The following PGS1 variants were observed in gnomAD, a reference collection of about 807,000 sequenced individuals.
PGS1 encodes the protein phosphatidylglycerophosphate synthase 1.
In PGS1, 44 loss-of-function variants were observed where a neutral mutation model predicts 58.3. That is an observed-to-expected ratio of 0.75 (90% CI 0.59 to 0.97). The LOEUF is 0.97. PGS1 is among the 50% of genes least tolerant of loss of function. PGS1 has a pLI of 0.00. For missense variants in PGS1, 684 were observed against 731.1 expected (o/e 0.94, Z 0.74); for synonymous variants, 330 against 311.0 (o/e 1.06, Z -0.64).
intron 6 of PGS1, 44 bp from the exon 7 acceptor site, chr17:78,403,524 C>T: frequency 6.3e-7 from 1 of 1,582,776 alleles, no homozygotes; most frequent in Non-Finnish European, 8.6e-7. Flanking sequence ...GAGTCCAGAC[C>T]CTCCATTTCT....
intron 7 of PGS1, among the ~76,000 whole-genome samples, chr17:78,408,108 ATCAG>A (rs33931168): frequency 0.46 from 69,661 of 151,722 alleles, 16,480 homozygotes; most frequent in Admixed American, 0.53. Flanking sequence ...TTATCTATCA[ATCAG>A]TCAATCAGTC....
At chr17:78,389,218 G>A (rs948595100) in intron 1 of PGS1, among the ~76,000 whole-genome samples, 4 of 150,782 alleles carry the variant, frequency 2.7e-5, no homozygotes, top group Non-Finnish European at 4.4e-5. Flanking sequence ...ACGGAGTGTC[G>A]CTCTGTTGCC....
chr17:78,397,488 G>A (rs1332078905), intron 3 of PGS1, among the ~76,000 whole-genome samples: 7 of 152,008 alleles, frequency 4.6e-5, no homozygotes, highest in East Asian at 1.9e-4. Context: ...CCAGGCTGGA[G>A]TGCAATGGCG....
chr17:78,388,104 T>C (rs571051848), intron 1 of PGS1, among the ~76,000 whole-genome samples: 1 of 152,332 alleles, frequency 6.6e-6, no homozygotes, highest in South Asian at 2.1e-4. Flanking sequence ...CTAACAAAAA[T>C]AAACCTGTCA....
chr17:78,381,799 T>C (rs2082056564), intron 1 of PGS1, among the ~76,000 whole-genome samples: 1 of 152,202 alleles, frequency 6.6e-6, no homozygotes, highest in African/African-American at 2.4e-5. Flanking sequence ...GAACTCTACT[T>C]AAAATTACTT....
At chr17:78,410,479 T>C (rs1233161372) in intron 7 of PGS1, among the ~76,000 whole-genome samples, 2 of 137,356 alleles carry the variant, frequency 1.5e-5, no homozygotes, top group Admixed American at 1.4e-4. Flanking sequence ...TTTTTTTTTT[T>C]TTTTTTTTTT....
At position 78,400,916 on chromosome 17, in the gene PGS1, G is replaced by C; in HGVS notation, c.880+61G>C. 7.1e-7 allele frequency: 1 copy of C among 1,411,848 alleles called. No homozygotes were observed. Among genetic ancestry groups the C allele is most frequent in the Non-Finnish European group, 9.6e-7 (1 of 1,039,298 alleles). The allele number at this position is 1,411,848 out of a possible 1,614,324, so 87.5% of individuals were successfully genotyped here. ...GGTGGGGTGGAGTGAGGGCCCGGGA[G>C]AGCACAACTCTAGGTGGTTCTGCCA... is the stretch of plus-strand genomic sequence containing the variant. On this transcript the variant is annotated intron_variant, in intron 6 of 9. Transcript: ENST00000262764. The surrounding 1 kb of genome is among the most constrained non-coding windows in gnomAD (Gnocchi z 4.4).
intron 1 of PGS1, 92 bp downstream of exon 1, chr17:78,378,900 C>T (rs2146017971): frequency 3.2e-6 from 4 of 1,264,346 alleles, no homozygotes; most frequent in Non-Finnish European, 4.1e-6. Context: ...TCCTGGGCAT[C>T]CGCAGCGAGT....
intron 1 of PGS1, among the ~76,000 whole-genome samples, chr17:78,382,956 C>T (rs1281978237): frequency 1.3e-5 from 2 of 151,874 alleles, no homozygotes; most frequent in African/African-American, 4.8e-5. Flanking sequence ...ACAGAATGGC[C>T]TTGTTACTTG....
In PGS1 at chr17:78,408,351, G is replaced by A. The variant is rs117746914; in HGVS notation, c.1402+4262G>A. 1.9e-3 allele frequency among the ~76,000 whole-genome samples: 284 copies of A among 152,308 alleles called. 1 individual carries two copies. In the East Asian group the frequency reaches 0.039, roughly 21 times the overall value. On this transcript the variant is annotated intron_variant, in intron 7 of 9. Transcript: ENST00000262764. ...ACTTGAAGTCTAGAAGCCTGGTTCT[G>A]AGTCCACATTTACCTGTGGCCACAG...
At chr17:78,407,966 C>G (rs2084298453) in intron 7 of PGS1, among the ~76,000 whole-genome samples, 1 of 152,226 alleles carries the variant, frequency 6.6e-6, no homozygotes, top group South Asian at 2.1e-4. Flanking sequence ...TCTGTGTTGT[C>G]AAGTATTGCC....
At chr17:78,413,124 T>A (rs2084866736) in intron 7 of PGS1, among the ~76,000 whole-genome samples, 1 of 152,198 alleles carries the variant, frequency 6.6e-6, no homozygotes, top group African/African-American at 2.4e-5. Context: ...GTACTGTTTA[T>A]GGCACAATGC....
intron 9 of PGS1, 32 bp downstream of exon 9, chr17:78,419,707 T>G (rs2146345659): frequency 1.2e-6 from 2 of 1,609,844 alleles, no homozygotes; most frequent in Non-Finnish European, 1.7e-6. Flanking sequence ...CTCAGCACGA[T>G]TTTCCCGAGA....
At chr17:78,423,239 C>G (rs1050249021) in intron 9 of PGS1, among the ~76,000 whole-genome samples, 1 of 152,196 alleles carries the variant, frequency 6.6e-6, no homozygotes, top group Non-Finnish European at 1.5e-5. Flanking sequence ...GCTGCCCTAG[C>G]TAGCCTGGCC....
chr17:78,419,706 A>T, intron 9 of PGS1, 31 bp downstream of exon 9: 1 of 1,610,296 alleles, frequency 6.2e-7, no homozygotes, highest in Non-Finnish European at 8.5e-7. Flanking sequence ...TCTCAGCACG[A>T]TTTTCCCGAG....
In PGS1 at chr17:78,403,697, C is replaced by T. The variant is rs371933509; in HGVS notation, c.1010C>T (p.Ala337Val). The T allele has an allele frequency of 6.2e-7, 1 of 1,614,250 alleles. No individual in the cohort carries two copies. Among genetic ancestry groups the T allele is most frequent in the South Asian group, 1.1e-5 (1 of 91,090 alleles). Residue 337 changes from alanine to valine, a missense_variant, in exon 7 of 10, where the codon GCA (alanine) becomes GTA (valine). Coordinates refer to ENST00000262764, the MANE Select transcript of PGS1 (RefSeq NM_024419.5). ...HSNSLLTQED[A>V]AAAGDRRPAP... ...AACTCTCTTTTGACCCAGGAAGATGCAGCAGCTGCTGGGGATCGCAGACCA... is the reference window on the plus strand; with the variant it reads ...AACTCTCTTTTGACCCAGGAAGATGTAGCAGCTGCTGGGGATCGCAGACCA...
At chr17:78,416,146 C>T (rs2085168269) in intron 8 of PGS1, among the ~76,000 whole-genome samples, 3 of 152,082 alleles carry the variant, frequency 2.0e-5, no homozygotes, top group East Asian at 1.9e-4. Context: ...CCACGACAGG[C>T]GCAAGAGGAA....
At chr17:78,409,824 G>A (rs796173484) in intron 7 of PGS1, among the ~76,000 whole-genome samples, 5 of 152,314 alleles carry the variant, frequency 3.3e-5, no homozygotes, top group African/African-American at 1.2e-4. Flanking sequence ...CCTTAGAACT[G>A]CAAAGGCCTG....
chr17:78,415,757 G>A (rs778165176), intron 8 of PGS1, among the ~76,000 whole-genome samples: 3 of 152,242 alleles, frequency 2.0e-5, no homozygotes, highest in Non-Finnish European at 4.4e-5. Flanking sequence ...CCCTCTATTT[G>A]ATGACCTGTG....
Sources: allele counts gnomAD v4.1 joint callset (sites outside exome capture counted in the v4.1 genomes callset), GRCh38; gene constraint gnomAD v4.1.1; non-coding constraint Gnocchi (gnomAD v3.1); transcripts MANE v1.5; gene names NCBI Gene and HGNC (gene_info 2026-07-23, HGNC 2026-07-21).